Variants in PCDH9 observed in about 807,000 individuals in gnomAD.
PCDH9 encodes protocadherin-9.
PCDH9 carries 24 observed loss-of-function variants against 70.6 expected under a neutral mutation model. That is an observed-to-expected ratio of 0.34 (90% confidence interval 0.25 to 0.48). PCDH9 has a LOEUF of 0.48. PCDH9 is among the 20% of genes least tolerant of loss of function. The probability of loss-of-function intolerance (pLI) is 0.99; values close to 1 mark genes in which losing one functional copy is unlikely to be tolerated. For synonymous variants in PCDH9, 562 were observed against 558.5 expected (o/e 1.01, Z -0.09); for missense variants, 1,281 against 1,503.6 (o/e 0.85, Z 2.45).
rs2079013109 is a variant in PCDH9 at position 66,726,925 on chromosome 13, T to C, written c.3139-95514A>G. The stretch of plus-strand genomic sequence containing the variant: ...ACTTTATTAGCCTACTTGCTTGCCT[T>C]ATTTCTGACAAATTCCTAAGTATTT... On this transcript the variant is annotated intron_variant, in intron 3 of 4. Coordinates refer to ENST00000377865, the MANE Select transcript of PCDH9 (RefSeq NM_203487.3). 3.3e-5 allele frequency among the ~76,000 whole-genome samples: 5 copies of C among 152,180 alleles called. No homozygotes were observed. The South Asian group carries it at 8.3e-4, about 25-fold the overall frequency.
At chr13:66,948,322 T>C (rs921766001) in intron 2 of PCDH9, among the ~76,000 whole-genome samples, 28 of 152,236 alleles carry the variant, frequency 1.8e-4, no homozygotes, top group African/African-American at 6.5e-4. Flanking sequence ...TAGCTTGTGA[T>C]TAATGATTAA....
chr13:66,548,576 T>C (rs1021535634), intron 4 of PCDH9, among the ~76,000 whole-genome samples: 10 of 151,826 alleles, frequency 6.6e-5, no homozygotes, highest in African/African-American at 2.2e-4. Context: ...AAAATAAAAA[T>C]TAAACGTTCA....
chr13:66,586,062 A>T (rs1593731690), intron 4 of PCDH9, among the ~76,000 whole-genome samples: 1 of 152,208 alleles, frequency 6.6e-6, no homozygotes, highest in Non-Finnish European at 1.5e-5. Flanking sequence ...GCTATGAGAC[A>T]GGAGCAAGGG....
chr13:67,029,315 T>C (rs1025786200), intron 2 of PCDH9, among the ~76,000 whole-genome samples: 1 of 152,178 alleles, frequency 6.6e-6, no homozygotes, highest in Admixed American at 6.5e-5. Flanking sequence ...GAGAAAAATA[T>C]AATGGCTACT....
At chr13:66,801,365 T>C (rs1435340852) in intron 3 of PCDH9, among the ~76,000 whole-genome samples, 1 of 152,122 alleles carries the variant, frequency 6.6e-6, no homozygotes, top group East Asian at 1.9e-4. Context: ...GACAAAAGTA[T>C]AGGCATTGCC....
chr13:67,154,019 G>A (rs1329232053), intron 2 of PCDH9, among the ~76,000 whole-genome samples: 3 of 152,152 alleles, frequency 2.0e-5, no homozygotes, highest in African/African-American at 7.2e-5. Context: ...AGGAGAATTG[G>A]TGAATTGAAC....
chr13:66,627,594 C>A (rs553478771), intron 4 of PCDH9, among the ~76,000 whole-genome samples: 1 of 152,124 alleles, frequency 6.6e-6, no homozygotes, highest in East Asian at 1.9e-4. Context: ...CAGGGCCTCT[C>A]GCTTCTCCAC....
At chr13:66,703,304 C>T (rs529719008) in intron 3 of PCDH9, among the ~76,000 whole-genome samples, 1 of 152,198 alleles carries the variant, frequency 6.6e-6, no homozygotes, top group Non-Finnish European at 1.5e-5. Flanking sequence ...CTCACTAGCT[C>T]ATACAAGCAA....
chr13:66,774,088 T>C (rs982435901), intron 3 of PCDH9, among the ~76,000 whole-genome samples: 2 of 152,174 alleles, frequency 1.3e-5, no homozygotes, highest in African/African-American at 4.8e-5. Context: ...ATTCCTGTAA[T>C]TTTTTACACT....
At chr13:66,642,564 T>G (rs1328743323) in intron 3 of PCDH9, among the ~76,000 whole-genome samples, 1 of 152,048 alleles carries the variant, frequency 6.6e-6, no homozygotes. Context: ...GTTTTCAAAT[T>G]TATGGTTTTG....
chr13:66,828,331 G>A (rs1035009484), intron 3 of PCDH9, among the ~76,000 whole-genome samples: 2 of 152,064 alleles, frequency 1.3e-5, no homozygotes, highest in African/African-American at 4.8e-5. Flanking sequence ...TGTAACCATT[G>A]CAGAAGAGTG....
intron 2 of PCDH9, among the ~76,000 whole-genome samples, chr13:67,157,573 C>T (rs1441827623): frequency 6.6e-6 from 1 of 152,068 alleles, no homozygotes; most frequent in Non-Finnish European, 1.5e-5. Flanking sequence ...GACTCTCACA[C>T]CCATGCAACA....
At chr13:66,429,749 G>A (rs1957737954) in intron 4 of PCDH9, among the ~76,000 whole-genome samples, 1 of 151,994 alleles carries the variant, frequency 6.6e-6, no homozygotes, top group Non-Finnish European at 1.5e-5. Flanking sequence ...TATTTTAAAA[G>A]TTCTTAAGAC....
At chr13:66,477,427 G>A (rs978581461) in intron 4 of PCDH9, among the ~76,000 whole-genome samples, 5 of 152,098 alleles carry the variant, frequency 3.3e-5, no homozygotes, top group African/African-American at 1.2e-4. Flanking sequence ...TCTTTCATGT[G>A]AATTTATGCT....
chr13:66,704,944 G>A (rs1039389404), intron 3 of PCDH9, among the ~76,000 whole-genome samples: 2 of 151,882 alleles, frequency 1.3e-5, no homozygotes, highest in African/African-American at 4.8e-5. Flanking sequence ...TTATTTTATT[G>A]TTTATAGCAA....
intron 4 of PCDH9, among the ~76,000 whole-genome samples, chr13:66,610,683 T>C (rs1298357621): frequency 6.6e-6 from 1 of 152,218 alleles, no homozygotes; most frequent in Non-Finnish European, 1.5e-5. Context: ...TTAGGTATTC[T>C]GTAGCTATTT....
intron 3 of PCDH9, among the ~76,000 whole-genome samples, chr13:66,665,221 C>T (rs1465874600): frequency 6.6e-6 from 1 of 151,888 alleles, no homozygotes; most frequent in Admixed American, 6.6e-5. Context: ...ATTCTCCCGC[C>T]TCAGCCTCCC....
At chr13:66,758,447 T>A (rs763134591) in intron 3 of PCDH9, among the ~76,000 whole-genome samples, 2 of 152,082 alleles carry the variant, frequency 1.3e-5, no homozygotes, top group Admixed American at 6.6e-5. Flanking sequence ...AATTGACACA[T>A]AATTGTGCAT....
At chr13:66,724,508 G>A (rs1358124216) in intron 3 of PCDH9, among the ~76,000 whole-genome samples, 1 of 152,166 alleles carries the variant, frequency 6.6e-6, no homozygotes, top group Non-Finnish European at 1.5e-5. Context: ...GAATGAAGGT[G>A]CAAAGTCTCT....
Sources: gnomAD v4.1 joint callset for allele counts (sites outside exome capture counted in the v4.1 genomes callset) on GRCh38, gnomAD v4.1.1 for gene constraint, MANE v1.5 for transcripts, NCBI Gene and HGNC (gene_info 2026-07-23, HGNC 2026-07-21) for gene names.